The following SYNE1 variants were observed in gnomAD, a reference collection of about 807,000 sequenced individuals.
SYNE1 encodes the protein spectrin repeat containing nuclear envelope protein 1.
A neutral mutation model predicts 1,111.0 loss-of-function variants in SYNE1; 616 were observed. The observed-to-expected ratio is 0.55, with a 90% CI of 0.52 to 0.59. The LOEUF (loss-of-function observed/expected upper bound fraction) is 0.59, where lower values mean the gene tolerates loss of function less well. SYNE1 is among the 20% of genes least tolerant of loss of function. SYNE1 has a pLI of 0.00. For synonymous variants in SYNE1, 3,855 were observed against 3,825.8 expected, an observed-to-expected ratio of 1.01 and a Z score of -0.28; for missense variants, 10,006 against 10,417.0, an observed-to-expected ratio of 0.96 and a Z score of 1.72.
rs1021312534 is a variant in SYNE1 at position 152,483,329 on chromosome 6, G to A, written c.1186-80C>T. The A allele has an allele frequency of 5.0e-6, 6 of 1,189,384 alleles. No individual in the cohort carries two copies. In the African/African-American group the frequency reaches 7.6e-5, roughly 15 times the overall value. The allele number at this position is 1,189,384 out of a possible 1,614,324, so 73.7% of individuals were successfully genotyped here. On this transcript the variant is annotated intron_variant, in intron 13 of 145. Transcript: ENST00000367255. Reference sequence around the variant, plus strand: ...AAAATTGCACCCAAATAATAGTAAAGCATACATAAAGCTTTAAGTTAATGA... The same window carrying A: ...AAAATTGCACCCAAATAATAGTAAAACATACATAAAGCTTTAAGTTAATGA...
chr6:152,629,776 C>G (rs2099694821), intron 2 of SYNE1, among the ~76,000 whole-genome samples: 1 of 151,730 alleles, frequency 6.6e-6, no homozygotes, highest in African/African-American at 2.4e-5. Context: ...GATTACAGTT[C>G]CCATTGCATT....
At chr6:152,311,014 C>T in intron 87 of SYNE1, 141 bp from the exon 88 acceptor site, 1 of 804,000 alleles carries the variant, frequency 1.2e-6, no homozygotes, top group Non-Finnish European at 2.1e-6. Flanking sequence ...TGACCACTTT[C>T]TACTTGGTAG....
Position 152,221,479 on chromosome 6 carries a change from A to G in SYNE1, c.21603T>C (p.Cys7201=), listed in dbSNP as rs992901078. The change falls in exon 118 of 146, where the codon TGT becomes TGC. Residue 7201 remains cysteine, a synonymous_variant. Transcript: ENST00000367255. ...GSITNQLLKE[C]HPPVTETLTN... is the part of the protein sequence containing the mutation. The stretch of plus-strand genomic sequence containing the variant: ...TAAGAGTTTCTGTCACGGGTGGGTG[A>G]CACTCTTTTAATAATTGGTTGGTGA... 1.2e-6 allele frequency: 2 copies of G among 1,613,828 alleles called. No homozygotes were observed. Among genetic ancestry groups the G allele is most frequent in the African/African-American group, 2.7e-5 (2 of 74,882 alleles).
intron 121 of SYNE1, among the ~76,000 whole-genome samples, chr6:152,217,766 C>A (rs750346235): frequency 2.0e-5 from 3 of 151,872 alleles, no homozygotes; most frequent in Non-Finnish European, 4.4e-5. Context: ...TGGTTTCCAG[C>A]GGTGGAAAGA....
chr6:152,231,509 A>G lies in SYNE1; in HGVS notation c.20921T>C (p.Val6974Ala), dbSNP rs761782075. ...CACATCCTGACTGCTGATTTGTAGC[A>G]CGGACTGGTTCACAAAATCCACTGT... ...QLTVDFVNQS[V>A]LQISSQDVES... The change falls in exon 114 of 146, where the codon GTG becomes GCG. Residue 6974 changes from valine to alanine, a missense_variant. By Grantham distance (64) the Val-to-Ala change is moderately conservative. Coordinates refer to ENST00000367255, the MANE Select transcript of SYNE1 (RefSeq NM_182961.4). 6.2e-7 allele frequency: 1 copy of G among 1,614,208 alleles called. No individual in the cohort carries two copies. The highest frequency in any genetic ancestry group is 8.5e-7 in the Non-Finnish European group (1 of 1,180,036).
chr6:152,399,965 G>T, intron 47 of SYNE1, 142 bp from the exon 48 acceptor site: 1 of 940,334 alleles, frequency 1.1e-6, no homozygotes. Flanking sequence ...GCGTTTTTGA[G>T]TACTTGTACT....
chr6:152,442,469 C>T (rs2098540812), intron 30 of SYNE1, among the ~76,000 whole-genome samples: 1 of 152,034 alleles, frequency 6.6e-6, no homozygotes, highest in Non-Finnish European at 1.5e-5. Context: ...AATAATTTGG[C>T]TTTCGTGTTT....
rs374376301 is a variant in SYNE1 at position 152,484,907 on chromosome 6, T to C, written c.1113A>G (p.Pro371=). 1.6e-3 allele frequency: 2,540 copies of C among 1,613,856 alleles called. 51 individuals carry two copies. The South Asian group carries it at 0.026, about 17-fold the overall frequency. The change falls in exon 13 of 146, where the codon CCA becomes CCG. Residue 371 remains proline, a synonymous_variant. Coordinates refer to ENST00000367255, the MANE Select transcript of SYNE1 (RefSeq NM_182961.4). ...KRKQIEHLIQ[P]LHRDGKLSLD... is the part of the protein sequence containing the mutation. Reference sequence around the variant, plus strand: ...GTGACAATTTACCGTCTCTGTGTAATGGTTGTATTAAATGTTCAATCTGTT... The same window carrying C: ...GTGACAATTTACCGTCTCTGTGTAACGGTTGTATTAAATGTTCAATCTGTT...
chr6:152,391,629 G>A (rs1591751158), intron 51 of SYNE1, 61 bp from the exon 52 acceptor site: 1 of 1,499,986 alleles, frequency 6.7e-7, no homozygotes, highest in Non-Finnish European at 8.8e-7. Context: ...TGGAGTGCAG[G>A]GGAGTGACAA....
At chr6:152,339,194 GAATAT>G (rs761863371) in intron 75 of SYNE1, 42 bp downstream of exon 75, 7 of 1,606,704 alleles carry the variant, frequency 4.4e-6, no homozygotes, top group Non-Finnish European at 6.0e-6. Context: ...TCAAGCAAGA[GAATAT>G]AATAAAACAA....
At chr6:152,592,617 C>T (rs2099570311) in intron 3 of SYNE1, among the ~76,000 whole-genome samples, 1 of 152,180 alleles carries the variant, frequency 6.6e-6, no homozygotes, top group Non-Finnish European at 1.5e-5. Flanking sequence ...ACTATGTTCA[C>T]TGCCAGGGTG....
intron 127 of SYNE1, among the ~76,000 whole-genome samples, chr6:152,193,836 C>T (rs1454961422): frequency 6.6e-6 from 1 of 151,510 alleles, no homozygotes; most frequent in African/African-American, 2.4e-5. Context: ...ACGGTGAAAC[C>T]CTGTCTCTAC....
intron 108 of SYNE1, among the ~76,000 whole-genome samples, chr6:152,238,800 AC>A (rs2084827042): frequency 6.6e-6 from 1 of 152,146 alleles, no homozygotes; most frequent in African/African-American, 2.4e-5. Flanking sequence ...CTACATTTCC[AC>A]GGGGTTCTAT....
intron 21 of SYNE1, among the ~76,000 whole-genome samples, chr6:152,459,539 T>G (rs942065213): frequency 3.9e-5 from 6 of 152,200 alleles, no homozygotes; most frequent in Admixed American, 6.5e-5. Flanking sequence ...CTTCCCATGC[T>G]AGGGGAGGGC....
At chr6:152,440,971 G>A (rs968827704) in intron 32 of SYNE1, among the ~76,000 whole-genome samples, 159 bp downstream of exon 32, 7 of 152,038 alleles carry the variant, frequency 4.6e-5, no homozygotes, top group African/African-American at 1.7e-4. Context: ...TCCTACTTAT[G>A]TTTTCATTCT....
chr6:152,472,688 G>C, intron 14 of SYNE1: 1 of 696,104 alleles, frequency 1.4e-6, no homozygotes, highest in Non-Finnish European at 2.6e-6. Flanking sequence ...CGTTTTAAAG[G>C]CACATGATCC....
At chr6:152,609,662 G>A (rs1381483591) in intron 3 of SYNE1, among the ~76,000 whole-genome samples, 1 of 152,046 alleles carries the variant, frequency 6.6e-6, no homozygotes, top group African/African-American at 2.4e-5. Flanking sequence ...AGGACAGACT[G>A]TCTCCTCAAG....
intron 67 of SYNE1, 102 bp from the exon 68 acceptor site, chr6:152,353,846 G>T (rs1214745608): frequency 1.4e-6 from 2 of 1,458,750 alleles, no homozygotes; most frequent in East Asian, 2.3e-5. Flanking sequence ...AGGTTTAGAA[G>T]ATGTTTATTT....
intron 137 of SYNE1, chr6:152,145,020 A>G (rs2059221438): frequency 5.2e-6 from 1 of 192,316 alleles, no homozygotes. Flanking sequence ...CTTGTCTCAT[A>G]CGGGATTCTT....
Sources: gnomAD v4.1 joint callset for allele counts (sites outside exome capture counted in the v4.1 genomes callset) on GRCh38, gnomAD v4.1.1 for gene constraint, MANE v1.5 for transcripts, NCBI Gene and HGNC (gene_info 2026-07-23, HGNC 2026-07-21) for gene names.